Variants in PTPRD observed in about 807,000 individuals in gnomAD.
PTPRD encodes protein tyrosine phosphatase receptor type D, also known as receptor-type tyrosine-protein phosphatase delta.
In PTPRD, 34 loss-of-function variants were observed where a neutral mutation model predicts 214.5. That is an observed-to-expected ratio of 0.16 (90% CI 0.12 to 0.21). The LOEUF (loss-of-function observed/expected upper bound fraction) is 0.21, where lower values mean the gene tolerates loss of function less well. PTPRD is among the 10% of genes least tolerant of loss of function. PTPRD has a pLI of 1.00. For synonymous variants in PTPRD, 1,128 were observed against 845.7 expected, an observed-to-expected ratio of 1.33 and a Z score of -5.79; for missense variants, 2,545 against 2,398.7, an observed-to-expected ratio of 1.06 and a Z score of -1.27.
intron 10 of PTPRD, among the ~76,000 whole-genome samples, chr9:9,030,073 G>C (rs1034208616): frequency 2.6e-5 from 4 of 151,794 alleles, no homozygotes; most frequent in African/African-American, 7.3e-5. Context: ...AACAGTGTGG[G>C]ATCATGGAGC....
intron 9 of PTPRD, among the ~76,000 whole-genome samples, chr9:9,231,640 G>A (rs2099963164): frequency 6.6e-6 from 1 of 152,104 alleles, no homozygotes; most frequent in Non-Finnish European, 1.5e-5. Flanking sequence ...TGCTATTCCT[G>A]AATGCCATTT....
At chr9:8,404,087 AG>A (rs1240677604) in intron 36 of PTPRD, among the ~76,000 whole-genome samples, 2 of 152,188 alleles carry the variant, frequency 1.3e-5, no homozygotes, top group African/African-American at 2.4e-5. Context: ...TGTGTGAGAA[AG>A]AAAAAGTAGG....
chr9:9,928,490 T>G (rs1316858126), intron 5 of PTPRD, among the ~76,000 whole-genome samples: 1 of 152,096 alleles, frequency 6.6e-6, no homozygotes, highest in Non-Finnish European at 1.5e-5. Context: ...AGGAGGGAAT[T>G]TTCTTTGCAA....
At chr9:10,427,561 T>A (rs577020051) in intron 2 of PTPRD, among the ~76,000 whole-genome samples, 3 of 152,006 alleles carry the variant, frequency 2.0e-5, no homozygotes, top group African/African-American at 2.4e-5. Context: ...CCACTGATGG[T>A]TGATAATTGT....
chr9:8,962,234 T>C (rs1018450106), intron 11 of PTPRD: 4 of 152,114 alleles, frequency 2.6e-5, no homozygotes, highest in Admixed American at 1.3e-4. Flanking sequence ...GAACAAGTCA[T>C]ATACACACGC....
intron 4 of PTPRD, among the ~76,000 whole-genome samples, chr9:9,941,676 C>G (rs946453438): frequency 6.6e-6 from 1 of 152,138 alleles, no homozygotes; most frequent in Non-Finnish European, 1.5e-5. Flanking sequence ...GGTTCAGTAA[C>G]TTCAATCCTC....
intron 7 of PTPRD, among the ~76,000 whole-genome samples, chr9:9,620,539 C>G (rs998686111): frequency 6.6e-6 from 1 of 152,096 alleles, no homozygotes; most frequent in African/African-American, 2.4e-5. Flanking sequence ...TCAAGTTTCA[C>G]TGTATTTCTC....
At chr9:9,004,344 C>T (rs910033323) in intron 11 of PTPRD, among the ~76,000 whole-genome samples, 1 of 151,902 alleles carries the variant, frequency 6.6e-6, no homozygotes. Context: ...AAACCTCATA[C>T]CCTTATTCTC....
chr9:9,934,235 G>C (rs892288196), intron 5 of PTPRD, among the ~76,000 whole-genome samples: 2 of 147,594 alleles, frequency 1.4e-5, no homozygotes, highest in Non-Finnish European at 2.9e-5. Context: ...GATCAGAGCA[G>C]AACTGAAGGA....
intron 7 of PTPRD, among the ~76,000 whole-genome samples, chr9:9,608,257 T>C (rs2094306004): frequency 6.6e-6 from 1 of 152,218 alleles, no homozygotes; most frequent in African/African-American, 2.4e-5. Context: ...GCTGTTATTA[T>C]TATAATTGCA....
At chr9:10,177,885 A>C (rs1171373890) in intron 3 of PTPRD, among the ~76,000 whole-genome samples, 2 of 151,922 alleles carry the variant, frequency 1.3e-5, no homozygotes, top group Non-Finnish European at 2.9e-5. Context: ...TCCTTTTATA[A>C]TTAAAAAAAG....
chr9:10,495,713 T>G (rs1393061828), intron 2 of PTPRD, among the ~76,000 whole-genome samples: 1 of 151,846 alleles, frequency 6.6e-6, no homozygotes, highest in African/African-American at 2.4e-5. Flanking sequence ...TGAAACATTG[T>G]AAGCTATAAA....
intron 9 of PTPRD, among the ~76,000 whole-genome samples, chr9:9,232,004 T>C (rs2099963421): frequency 6.6e-6 from 1 of 152,160 alleles, no homozygotes; most frequent in African/African-American, 2.4e-5. Flanking sequence ...CTTTTTGTAA[T>C]TTCACACTCT....
intron 45 of PTPRD, 107 bp from the exon 46 acceptor site, chr9:8,318,049 C>A: frequency 4.7e-5 from 48 of 1,013,576 alleles, no homozygotes; most frequent in East Asian, 1.1e-4. Context: ...TATATAGGGG[C>A]AAAATCACTA....
At chr9:8,990,526 C>T (rs1338220026) in intron 11 of PTPRD, among the ~76,000 whole-genome samples, 1 of 152,160 alleles carries the variant, frequency 6.6e-6, no homozygotes, top group East Asian at 1.9e-4. Flanking sequence ...CCTCCCCTGC[C>T]CTCCTGTCCC....
rs180968299 is a variant in PTPRD, at chr9:10,257,552, C to T, written c.-545+83411G>A. 2.6e-5 allele frequency among the ~76,000 whole-genome samples: 4 copies of T among 152,294 alleles called. No homozygotes were observed. In the East Asian group the frequency reaches 7.7e-4, roughly 29 times the overall value. On this transcript the variant is annotated intron_variant, in intron 3 of 45. Transcript: ENST00000381196. ...ATGATAAGAATATCACAGAATATTA[C>T]AAAGGGTACAATTTGGGCTGACTTC...
At chr9:10,068,927 G>A (rs183087191) in intron 3 of PTPRD, among the ~76,000 whole-genome samples, 29 of 152,052 alleles carry the variant, frequency 1.9e-4, no homozygotes, top group Admixed American at 7.2e-4. Context: ...CTGTGCATTC[G>A]TAGACTGCCT....
At chr9:9,250,367 C>A (rs183269868) in intron 9 of PTPRD, among the ~76,000 whole-genome samples, 1 of 152,182 alleles carries the variant, frequency 6.6e-6, no homozygotes, top group African/African-American at 2.4e-5. Flanking sequence ...ATACTAATAT[C>A]TGCCCTATCT....
chr9:9,945,103 G>T (rs1586713880), intron 4 of PTPRD, among the ~76,000 whole-genome samples: 1 of 152,106 alleles, frequency 6.6e-6, no homozygotes, highest in Non-Finnish European at 1.5e-5. Flanking sequence ...TAACTGTATA[G>T]TTTTAGATCT....
Sources: allele counts gnomAD v4.1 joint callset (sites outside exome capture counted in the v4.1 genomes callset), GRCh38; gene constraint gnomAD v4.1.1; transcripts MANE v1.5; gene names NCBI Gene and HGNC (gene_info 2026-07-23, HGNC 2026-07-21).